DMXL1: variants seen among roughly 807,000 people sequenced by gnomAD.
DMXL1 encodes dmX-like protein 1.
Under a neutral mutation model 319.2 loss-of-function variants are expected in DMXL1, and 99 were observed. The observed-to-expected ratio is 0.31, with a 90% confidence interval of 0.26 to 0.37. The LOEUF is 0.37. Ranked by LOEUF, DMXL1 falls within the 10% of genes least tolerant of loss-of-function variation. The pLI is 1.00. For synonymous variants in DMXL1, 1,385 were observed against 1,235.2 expected (o/e 1.12, Z -2.54); for missense variants, 3,745 against 3,595.6 (o/e 1.04, Z -1.06).
chr5:119,142,693 C>A (rs887967111), intron 13 of DMXL1, among the ~76,000 whole-genome samples: 1 of 151,880 alleles, frequency 6.6e-6, no homozygotes, highest in African/African-American at 2.4e-5. Context: ...TGGCTATGTA[C>A]CTAGAGGAGT....
intron 25 of DMXL1, among the ~76,000 whole-genome samples, 163 bp from the exon 26 acceptor site, chr5:119,175,098 T>C (rs1296978990): frequency 6.6e-6 from 1 of 152,130 alleles, no homozygotes; most frequent in African/African-American, 2.4e-5. Context: ...GTAAGACTCA[T>C]GTAGATAAAA....
At chr5:119,151,374 A>T (rs1769756660) in intron 18 of DMXL1, among the ~76,000 whole-genome samples, 1 of 152,218 alleles carries the variant, frequency 6.6e-6, no homozygotes, top group African/African-American at 2.4e-5. Context: ...GGGTAAATTT[A>T]ATATAATAAC....
rs1789961231 is a variant in DMXL1, at chr5:119,247,240, C to T, written c.*21C>T. On this transcript the variant is annotated 3_prime_UTR_variant, in exon 44 of 44. Transcript: ENST00000539542. ...TATAACATTTTTACAATAAGATGTA[C>T]AATTTATTACCTATATGGAAGTGGC... The T allele has an allele frequency of 6.4e-7, 1 of 1,550,398 alleles. No homozygotes were observed. The highest frequency in any genetic ancestry group is 8.9e-7 in the Non-Finnish European group (1 of 1,126,198).
chr5:119,094,753 C>T (rs1197248899), intron 1 of DMXL1, among the ~76,000 whole-genome samples: 3 of 151,642 alleles, frequency 2.0e-5, no homozygotes, highest in African/African-American at 7.3e-5. Flanking sequence ...AAAATATCAA[C>T]ATTACCAAGA....
At chr5:119,229,405 A>G (rs1357324366) in intron 38 of DMXL1, among the ~76,000 whole-genome samples, 2 of 152,194 alleles carry the variant, frequency 1.3e-5, no homozygotes, top group Non-Finnish European at 2.9e-5. Context: ...GCACCAATGT[A>G]CTTCTGATAT....
rs949247878 is a variant in DMXL1, at chr5:119,193,038, C to G, written c.7315-790C>G. Reference sequence around the variant, plus strand: ...TGTCTCTAGCTTCATTACTAACCACCTATGTCCAACCTGCCAACTCCTGTT... The same window carrying G: ...TGTCTCTAGCTTCATTACTAACCACGTATGTCCAACCTGCCAACTCCTGTT... On this transcript the variant is annotated intron_variant, in intron 29 of 43. Transcript: ENST00000539542. 3.3e-5 allele frequency among the ~76,000 whole-genome samples: 5 copies of G among 152,268 alleles called. No individual in the cohort carries two copies. The East Asian group carries it at 5.8e-4, about 18-fold the overall frequency.
In DMXL1 at chr5:119,167,589, A is replaced by T. The variant is rs974217680; in HGVS notation, c.5137-14A>T. ...CTGCTCCTGCTTATTTAAAAACAAT[A>T]TTTTTTTTTAAAGGTATGTCTTGAG... On this transcript the variant is annotated splice_polypyrimidine_tract_variant and intron_variant, in intron 22 of 43. Transcript: ENST00000539542. The T allele has an allele frequency of 6.5e-7, 1 of 1,530,210 alleles. No individual in the cohort carries two copies. The highest frequency in any genetic ancestry group is 8.8e-7 in the Non-Finnish European group (1 of 1,135,566). 94.8% of individuals were successfully genotyped at this position (1,530,210 alleles called of 1,614,324 possible). A position where few individuals can be genotyped will look rare whatever the true frequency, so the allele number is the denominator to read the frequency against.
chr5:119,170,095 T>A, intron 23 of DMXL1, 95 bp from the exon 24 acceptor site: 1 of 1,326,756 alleles, frequency 7.5e-7, no homozygotes, highest in Non-Finnish European at 1.0e-6. Flanking sequence ...AAAGACTCTT[T>A]AGATAAAGGT....
chr5:119,191,074 A>G (rs1778622731), intron 29 of DMXL1, among the ~76,000 whole-genome samples: 1 of 152,236 alleles, frequency 6.6e-6, no homozygotes, highest in Non-Finnish European at 1.5e-5. Context: ...CTATACATTT[A>G]TAGCTAATGG....
chr5:119,206,630 G>C (rs1781793262), intron 33 of DMXL1: 1 of 393,206 alleles, frequency 2.5e-6, no homozygotes, highest in South Asian at 5.9e-5. Flanking sequence ...TGAGTTCTGA[G>C]GGATTAAGTT....
rs532129540 is a variant in DMXL1, at chr5:119,248,260, A to G, written c.*1041A>G. ...AAAGCAGTCAAATTAAGTAGATACT[A>G]TTTAGAAATGTAAAATACTCTCCAG... On this transcript the variant is annotated 3_prime_UTR_variant, in exon 44 of 44. Coordinates refer to ENST00000539542, the MANE Select transcript of DMXL1 (RefSeq NM_001290321.3). 4 of 152,652 alleles carry G rather than the reference A, an allele frequency of 2.6e-5. No homozygotes were observed. Among genetic ancestry groups the G allele is most frequent in the Admixed American group, 6.5e-5 (1 of 15,300 alleles). 9.5% of individuals were successfully genotyped at this position (152,652 alleles called of 1,614,324 possible). A position where few individuals can be genotyped will look rare whatever the true frequency, so the allele number is the denominator to read the frequency against.
chr5:119,146,755 T>G, intron 15 of DMXL1, 82 bp from the exon 16 acceptor site: 1 of 1,349,110 alleles, frequency 7.4e-7, no homozygotes. Context: ...TTTTTTAAAG[T>G]CCAATTATTT....
In DMXL1 at chr5:119,127,231, C is replaced by G. The variant is rs555188135; in HGVS notation, c.1103-1980C>G. On this transcript the variant is annotated intron_variant, in intron 9 of 43. Coordinates refer to ENST00000539542, the MANE Select transcript of DMXL1 (RefSeq NM_001290321.3). ...TCCTTAGAATTGTAAAATTACAGTG[C>G]TCACCATATTCAACATCAGCAACAC... 3.7e-4 allele frequency: 76 copies of G among 203,750 alleles called. No homozygotes were observed. In the East Asian group the frequency reaches 6.4e-3, roughly 17 times the overall value. 12.6% of individuals were successfully genotyped at this position (203,750 alleles called of 1,614,324 possible).
chr5:119,207,396 G>A (rs79439459), intron 34 of DMXL1, among the ~76,000 whole-genome samples: 4,218 of 152,210 alleles, frequency 0.028, 181 homozygotes, highest in African/African-American at 0.096. Context: ...ATGTAGCAAA[G>A]TGCCTTAAGA....
At chr5:119,193,585 A>T (rs186027520) in intron 29 of DMXL1, among the ~76,000 whole-genome samples, 2 of 152,298 alleles carry the variant, frequency 1.3e-5, no homozygotes. Context: ...TGTCTTAAAA[A>T]TTCTTAAATC....
chr5:119,109,403 C>T (rs1759071854), intron 4 of DMXL1, among the ~76,000 whole-genome samples: 1 of 152,098 alleles, frequency 6.6e-6, no homozygotes, highest in Non-Finnish European at 1.5e-5. Flanking sequence ...AAATACAGAT[C>T]CAATTTTGTA....
intron 39 of DMXL1, chr5:119,236,553 A>G (rs944768828): frequency 1.3e-5 from 2 of 152,032 alleles, no homozygotes; most frequent in Non-Finnish European, 2.9e-5. Flanking sequence ...TAATAAATAA[A>G]AAATGTAATT....
At chr5:119,207,572 G>A (rs1781969651) in intron 34 of DMXL1, among the ~76,000 whole-genome samples, 1 of 152,176 alleles carries the variant, frequency 6.6e-6, no homozygotes, top group African/African-American at 2.4e-5. Flanking sequence ...AGGCTGGAGT[G>A]AAGTGTCACA....
intron 43 of DMXL1, among the ~76,000 whole-genome samples, chr5:119,245,579 C>T (rs1352332886): frequency 2.1e-5 from 3 of 140,758 alleles, no homozygotes; most frequent in Non-Finnish European, 4.5e-5. Context: ...CTTACTCTGT[C>T]GCCAGGCTGG....
Sources: gnomAD v4.1 joint callset for allele counts (sites outside exome capture counted in the v4.1 genomes callset) on GRCh38, gnomAD v4.1.1 for gene constraint, MANE v1.5 for transcripts, NCBI Gene and HGNC (gene_info 2026-07-23, HGNC 2026-07-21) for gene names.